The following FMNL1 variants were observed in gnomAD, a reference collection of about 807,000 sequenced individuals.
FMNL1 encodes the protein formin like 1, also known as formin-like protein 1.
A neutral mutation model predicts 121.3 loss-of-function variants in FMNL1; 43 were observed. The ratio of observed to expected loss-of-function variants is 0.35; its 90% confidence interval spans 0.28 to 0.46. The LOEUF (loss-of-function observed/expected upper bound fraction) is 0.46. Among genes scored for constraint, FMNL1 ranks in the 20% least tolerant of loss-of-function variants. The pLI is 1.00. For synonymous variants in FMNL1, 613 were observed against 613.5 expected (o/e 1.00, Z 0.01); for missense variants, 1,191 against 1,482.4 (o/e 0.80, Z 3.23).
In FMNL1 at chr17:45,245,925, G is replaced by C. The variant is rs772655362; in HGVS notation, c.3042G>C (p.Gln1014His). The C allele has an allele frequency of 4.4e-6, 7 of 1,589,066 alleles. No homozygotes were observed. In the Admixed American group the frequency reaches 1.3e-4, roughly 30 times the overall value. The change falls in exon 24 of 27, where the codon CAG (glutamine) becomes CAC (histidine). Residue 1014 changes from glutamine (Q) to histidine (H), a missense_variant. Gln to His is a conservative substitution (Grantham distance 24). This residue lies in a region of FMNL1 where 367 missense variants were observed against 528.6 expected (regional missense o/e 0.69). Transcript: ENST00000331495. ...AGTGGAAAAAAGAAGCCGCTGCCCA[G>C]GAGGCAGGCGCTGATACCCCGGGCA... is the stretch of plus-strand genomic sequence containing the variant. ...VEQWKKEAAAQEAGADTPGKG... is the reference protein window; with the variant it reads ...VEQWKKEAAAHEAGADTPGKG...
rs1189352173 is a variant in FMNL1, at chr17:45,244,819, A to G, written c.2518A>G (p.Ile840Val). 6.2e-7 allele frequency: 1 copy of G among 1,610,502 alleles called. No individual in the cohort carries two copies. The highest frequency in any genetic ancestry group is 1.3e-5 in the African/African-American group (1 of 74,730). The change falls in exon 20 of 27, where the codon ATT becomes GTT. Residue 840 changes from isoleucine to valine, a missense_variant and splice_region_variant. By Grantham distance (29) the Ile-to-Val change is conservative. This residue lies in a region of FMNL1 where 367 missense variants were observed against 528.6 expected (regional missense o/e 0.69). Coordinates refer to ENST00000331495, the MANE Select transcript of FMNL1 (RefSeq NM_005892.4). The part of the protein sequence containing the change: ...SSDKLRQILE[I>V]VLAFGNYMNS... ...TGAGCCTTTCTCCTGCCTCTCCCAG[A>G]TTGTCCTGGCCTTTGGCAACTACAT...
rs760674178 is a variant in FMNL1, at chr17:45,244,990, G to A, written c.2610G>A (p.Met870Ile). The A allele has an allele frequency of 6.2e-7, 1 of 1,613,668 alleles. No individual in the cohort carries two copies. Among genetic ancestry groups the A allele is most frequent in the Admixed American group, 1.7e-5 (1 of 60,018 alleles). ...GGGTCCTTGTGCAGCTGTTGGAGAT[G>A]AAGTCGACTGATCGCAAGCAGACGC... ...RLQSLDALLE[M>I]KSTDRKQTLL... The change falls in exon 21 of 27, where the codon ATG (methionine) becomes ATA (isoleucine). Residue 870 changes from methionine to isoleucine, a missense_variant. By Grantham distance (10) the Met-to-Ile change is conservative. Coordinates refer to ENST00000331495, the MANE Select transcript of FMNL1 (RefSeq NM_005892.4).
intron 1 of FMNL1, 125 bp from the exon 2 acceptor site, chr17:45,230,479 G>A: frequency 1.3e-6 from 1 of 772,966 alleles, no homozygotes; most frequent in South Asian, 1.5e-5. Flanking sequence ...ATCTCCTAGG[G>A]TCAGAGGATT....
rs1243523167 is a variant in FMNL1, at chr17:45,238,634, T to A, written c.965T>A (p.Phe322Tyr). Residue 322 changes from phenylalanine (F) to tyrosine (Y), a missense_variant, in exon 10 of 27, where the codon TTC becomes TAC. Transcript: ENST00000331495. ...CGGAATGAGGACAGCAACATCGACT[T>A]CATGGTGAGCTCAGGAGCCCAGCAG... ...YFRNEDSNID[F>Y]MVACMQFINI... 3 of 1,614,122 alleles carry A rather than the reference T, an allele frequency of 1.9e-6. No homozygotes were observed. Among genetic ancestry groups the A allele is most frequent in the Non-Finnish European group, 2.5e-6 (3 of 1,180,008 alleles).
At position 45,231,554 on chromosome 17, in the gene FMNL1, A is replaced by C. The variant is rs1438612649; in HGVS notation, c.214-813A>C. ...AGAGGTTGGGGGCTCAAAGGGCTGG[A>C]AGAAGTGAAAGTCTGAGGGGTGGCT... On this transcript the variant is annotated intron_variant, in intron 2 of 26. Coordinates refer to ENST00000331495, the MANE Select transcript of FMNL1 (RefSeq NM_005892.4). This position sits in a 1 kb window ranked among gnomAD's most constrained non-coding sequence, Gnocchi z 4.7. 6.6e-6 allele frequency: 1 copy of C among 152,470 alleles called. No individual in the cohort carries two copies. Among genetic ancestry groups the C allele is most frequent in the African/African-American group, 2.4e-5 (1 of 41,400 alleles). The allele number at this position is 152,470 out of a possible 1,614,324, so 9.4% of individuals were successfully genotyped here.
chr17:45,239,155 G>C lies in FMNL1; in HGVS notation c.1080+90G>C. 4 of 1,024,030 alleles carry C rather than the reference G, an allele frequency of 3.9e-6. No individual in the cohort carries two copies. The South Asian group carries it at 5.3e-5, about 13-fold the overall frequency. 63.4% of individuals were successfully genotyped at this position (1,024,030 alleles called of 1,614,324 possible). A position where few individuals can be genotyped will look rare whatever the true frequency, so the allele number is the denominator to read the frequency against. On this transcript the variant is annotated intron_variant, in intron 11 of 26. Coordinates refer to ENST00000331495, the MANE Select transcript of FMNL1 (RefSeq NM_005892.4). ...GCAGCATGAGTGCTGGGGTCAGGTAGACCTGGGTTTAAATCCTGGCTCTGC... is the reference window on the plus strand; with the variant it reads ...GCAGCATGAGTGCTGGGGTCAGGTACACCTGGGTTTAAATCCTGGCTCTGC...
rs2043741712 is a variant in FMNL1 at position 45,242,930 on chromosome 17, G to A, written c.2011-188G>A. On this transcript the variant is annotated intron_variant, in intron 16 of 26. Coordinates refer to ENST00000331495, the MANE Select transcript of FMNL1 (RefSeq NM_005892.4). ...CAAGTCTGGATCCCCCGGGTTAGGC[G>A]GCCCTCCTCCTCCAGGCTCCCTGTG... 3.3e-5 allele frequency among the ~76,000 whole-genome samples: 5 copies of A among 152,146 alleles called. No individual in the cohort carries two copies. In the South Asian group the frequency reaches 6.2e-4, roughly 19 times the overall value.
chr17:45,223,954 T>G (rs2043281476), intron 1 of FMNL1, among the ~76,000 whole-genome samples: 1 of 152,104 alleles, frequency 6.6e-6, no homozygotes. Flanking sequence ...GATTTGTGGC[T>G]GTGATTGGCT....
rs979323998 is a variant in FMNL1, at chr17:45,241,137, G to A, written c.1239G>A (p.Glu413=). 14 of 1,613,908 alleles carry A rather than the reference G, an allele frequency of 8.7e-6. No homozygotes were observed. The highest frequency in any genetic ancestry group is 3.3e-5 in the Admixed American group (2 of 60,010). ...ATGTGCTGGTGCTACAGCTGACAGA[G>A]CGGCTTCGGGACGCGGAGAACGAAT... The part of the protein sequence containing the change: ...ELQEQVALLT[E]RLRDAENESM... Residue 413 remains glutamate (E), a synonymous_variant, in exon 13 of 27, where the codon GAG becomes GAA. Transcript: ENST00000331495. The surrounding 1 kb of genome is among the most constrained non-coding windows in gnomAD (Gnocchi z 7.0).
chr17:45,235,177 G>A (rs528039174), intron 6 of FMNL1, among the ~76,000 whole-genome samples: 1 of 152,368 alleles, frequency 6.6e-6, no homozygotes, highest in African/African-American at 2.4e-5. Context: ...GTATATGGCA[G>A]GTGCCCAGGA....
In FMNL1 at chr17:45,234,072, G is replaced by C; in HGVS notation, c.486G>C (p.Thr162=). The change falls in exon 6 of 27, where the codon ACG becomes ACC. Residue 162 remains threonine, a splice_region_variant and synonymous_variant. Coordinates refer to ENST00000331495, the MANE Select transcript of FMNL1 (RefSeq NM_005892.4). Reference sequence around the variant, plus strand: ...CAGCCCCATTGCATCCTGTCCCCAGGTATGACATGGAGAGCACAGACAACG... The same window carrying C: ...CAGCCCCATTGCATCCTGTCCCCAGCTATGACATGGAGAGCACAGACAACG... ...EYLAFAQCSV[T]YDMESTDNGA... 1 of 1,613,944 alleles carries C rather than the reference G, an allele frequency of 6.2e-7. No individual in the cohort carries two copies. The highest frequency in any genetic ancestry group is 8.5e-7 in the Non-Finnish European group (1 of 1,179,952).
At position 45,241,681 on chromosome 17, in the gene FMNL1, G is replaced by C. The variant is rs764260512; in HGVS notation, c.1585+47G>C. On this transcript the variant is annotated intron_variant, in intron 14 of 26. Coordinates refer to ENST00000331495, the MANE Select transcript of FMNL1 (RefSeq NM_005892.4). This position sits in a 1 kb window ranked among gnomAD's most constrained non-coding sequence, Gnocchi z 7.0. Reference sequence around the variant, plus strand: ...GCGGGGATGCGGGGCAGGGTCTGGAGGGGAGCCCAGGGGCATCTGTGGCGG... The same window carrying C: ...GCGGGGATGCGGGGCAGGGTCTGGACGGGAGCCCAGGGGCATCTGTGGCGG... The C allele has an allele frequency of 6.9e-7, 1 of 1,453,184 alleles. No homozygotes were observed. The highest frequency in any genetic ancestry group is 9.0e-7 in the Non-Finnish European group (1 of 1,107,990). 90.0% of individuals were successfully genotyped at this position (1,453,184 alleles called of 1,614,324 possible).
chr17:45,240,559 G>A lies in FMNL1; in HGVS notation c.1164G>A (p.Leu388=). Residue 388 remains leucine (L), a synonymous_variant, in exon 12 of 27, where the codon CTG becomes CTA. Coordinates refer to ENST00000331495, the MANE Select transcript of FMNL1 (RefSeq NM_005892.4). ...ATATTTTTGATGTGGGGGCGCTGCT[G>A]GAGGACACAGAGACCAAGAACGCTG... ...LDNIFDVGAL[L]EDTETKNAVL... 6.2e-7 allele frequency: 1 copy of A among 1,613,972 alleles called. No homozygotes were observed. Among genetic ancestry groups the A allele is most frequent in the Non-Finnish European group, 8.5e-7 (1 of 1,180,000 alleles).
chr17:45,241,795 A>T lies in FMNL1; in HGVS notation c.1586-52A>T, dbSNP rs554730769. ...CGGAGAGGCGGAGAGGGGCCCACCCAAGTCAAGGAGCTGACTCGCGCCTCC... is the reference window on the plus strand; with the variant it reads ...CGGAGAGGCGGAGAGGGGCCCACCCTAGTCAAGGAGCTGACTCGCGCCTCC... On this transcript the variant is annotated intron_variant, in intron 14 of 26. Transcript: ENST00000331495. The surrounding 1 kb of genome is among the most constrained non-coding windows in gnomAD (Gnocchi z 7.0). The T allele has an allele frequency of 2.2e-4, 309 of 1,402,140 alleles. 2 individuals carry two copies. In the South Asian group the frequency reaches 4.6e-3, roughly 21 times the overall value. 86.9% of individuals were successfully genotyped at this position (1,402,140 alleles called of 1,614,324 possible).
Position 45,233,724 on chromosome 17 carries a change from T to A in FMNL1, c.478T>A (p.Ser160Thr). 1.9e-6 allele frequency: 3 copies of A among 1,613,982 alleles called. No homozygotes were observed. Among genetic ancestry groups the A allele is most frequent in the Non-Finnish European group, 2.5e-6 (3 of 1,179,968 alleles). Reference protein sequence around the residue: ...LLEYLAFAQCSVTYDMESTDN... With the variant: ...LLEYLAFAQCTVTYDMESTDN... ...CGAGTACCTGGCCTTTGCCCAGTGC[T>A]CTGTCACGTAAGCCCCCTGCTCCCA... Residue 160 changes from serine to threonine, a missense_variant, in exon 5 of 27, where the codon TCT becomes ACT. Physicochemically the swap from Ser to Thr is moderately conservative, Grantham distance 58. Around this residue, in one of 4 missense-constraint regions of FMNL1, gnomAD observed 253 missense variants for 417.5 expected, o/e 0.61. Coordinates refer to ENST00000331495, the MANE Select transcript of FMNL1 (RefSeq NM_005892.4). This position sits in a 1 kb window ranked among gnomAD's most constrained non-coding sequence, Gnocchi z 4.1.
intron 11 of FMNL1, chr17:45,240,260 G>A: frequency 2.7e-6 from 1 of 370,726 alleles, no homozygotes; most frequent in Non-Finnish European, 4.7e-6. Context: ...TAATGGTGAT[G>A]GTTGCACAAC....
At chr17:45,239,292 C>G in intron 11 of FMNL1, 1 of 546,750 alleles carries the variant, frequency 1.8e-6, no homozygotes. Context: ...AATGCATAGA[C>G]CAGTGCCTGG....
intron 12 of FMNL1, 147 bp from the exon 13 acceptor site, chr17:45,240,982 C>A: frequency 1.0e-6 from 1 of 974,598 alleles, no homozygotes; most frequent in Non-Finnish European, 1.5e-6. Context: ...GGTTCGAGTG[C>A]CAGGCTCGGC....
At chr17:45,240,728 A>C in intron 12 of FMNL1, 103 bp downstream of exon 12, 2 of 1,451,042 alleles carry the variant, frequency 1.4e-6, no homozygotes, top group Middle Eastern at 2.5e-4. Flanking sequence ...ACAGTGTTAT[A>C]ATTGTGCATT....
Sources: allele counts gnomAD v4.1 joint callset (sites outside exome capture counted in the v4.1 genomes callset), GRCh38; gene constraint gnomAD v4.1.1; regional missense constraint gnomAD v4.1.1; non-coding constraint Gnocchi (gnomAD v3.1); transcripts MANE v1.5; gene names NCBI Gene and HGNC (gene_info 2026-07-23, HGNC 2026-07-21).